The following UVSSA variants were observed in gnomAD, a reference collection of about 807,000 sequenced individuals.
The protein encoded by UVSSA is UV-stimulated scaffold protein A.
A neutral mutation model predicts 73.9 loss-of-function variants in UVSSA; 72 were observed. The observed-to-expected ratio is 0.97, with a 90% CI of 0.81 to 1.19. The LOEUF (loss-of-function observed/expected upper bound fraction) is 1.19, where lower values mean the gene tolerates loss of function less well. UVSSA is among the 50% of genes most tolerant of loss of function. The probability of loss-of-function intolerance (pLI) is 0.00; values close to 1 mark genes in which losing one functional copy is unlikely to be tolerated. For synonymous variants in UVSSA, 454 were observed against 391.3 expected (o/e 1.16, Z -1.89); for missense variants, 1,150 against 965.0 (o/e 1.19, Z -2.54).
chr4:1,380,662 C>A (rs954066587), intron 11 of UVSSA: 1 of 1,532,688 alleles, frequency 6.5e-7, no homozygotes, highest in African/African-American at 1.4e-5. Context: ...CTGCCCAAGA[C>A]CTTCCGGCTC....
At chr4:1,384,092 C>T in intron 13 of UVSSA, 152 bp downstream of exon 13, 1 of 983,056 alleles carries the variant, frequency 1.0e-6, no homozygotes, top group East Asian at 2.7e-5. Flanking sequence ...CCCAGCCTTT[C>T]CCCGGGGAGG....
At chr4:1,365,266 C>G (rs1483413958) in intron 7 of UVSSA, among the ~76,000 whole-genome samples, 4 of 152,354 alleles carry the variant, frequency 2.6e-5, no homozygotes, top group African/African-American at 9.6e-5. Flanking sequence ...CGCAAGACAG[C>G]TTGGCGTTCT....
In UVSSA at chr4:1,386,039, C is replaced by A; in HGVS notation, c.*78C>A. The A allele has an allele frequency of 6.9e-7, 1 of 1,438,878 alleles. No homozygotes were observed. The highest frequency in any genetic ancestry group is 1.1e-5 in the South Asian group (1 of 86,986). 89.1% of individuals were successfully genotyped at this position (1,438,878 alleles called of 1,614,324 possible). A position where few individuals can be genotyped will look rare whatever the true frequency, so the allele number is the denominator to read the frequency against. ...TCAGGACAGCAGAGTGGGCGTGGGT[C>A]TGGGCAGTAACCATGCTTTGTCTAT... On this transcript the variant is annotated 3_prime_UTR_variant, in exon 14 of 14. Transcript: ENST00000389851.
chr4:1,382,411 A>T (rs1719613525), intron 12 of UVSSA, among the ~76,000 whole-genome samples: 1 of 152,168 alleles, frequency 6.6e-6, no homozygotes, highest in African/African-American at 2.4e-5. Context: ...CGCACGGCGC[A>T]ATTTTCCTTT....
intron 8 of UVSSA, among the ~76,000 whole-genome samples, chr4:1,373,874 G>T (rs1225918323): frequency 1.3e-5 from 2 of 152,164 alleles, no homozygotes; most frequent in Non-Finnish European, 2.9e-5. Context: ...CTCTGCACCT[G>T]ACAATTTTCC....
intron 12 of UVSSA, among the ~76,000 whole-genome samples, chr4:1,382,491 G>A (rs145202926): frequency 6.6e-5 from 10 of 152,340 alleles, no homozygotes; most frequent in East Asian, 1.9e-4. Context: ...AAGGCCGCGC[G>A]GTCCCAGCAT....
In UVSSA at chr4:1,353,187, C is replaced by A. The variant is rs768536941; in HGVS notation, c.708C>A (p.Gly236=). ...GCTCCTCCTGCGCGGGCCAGGTGGG[C>A]CCCTGCCGGTCTGGCACCCCTGACC... The part of the protein sequence containing the change: ...ALRSSCAGQV[G]PCRSGTPDPR... The change falls in exon 5 of 14, where the codon GGC becomes GGA. Residue 236 remains glycine (G), a synonymous_variant. Coordinates refer to ENST00000389851, the MANE Select transcript of UVSSA (RefSeq NM_020894.4). The A allele has an allele frequency of 1.9e-6, 3 of 1,612,842 alleles. No individual in the cohort carries two copies. In the East Asian group the frequency reaches 6.7e-5, roughly 36 times the overall value.
At chr4:1,375,937 C>G (rs1197222232) in intron 9 of UVSSA, 97 bp from the exon 10 acceptor site, 9 of 1,519,170 alleles carry the variant, frequency 5.9e-6, no homozygotes, top group Non-Finnish European at 7.9e-6. Flanking sequence ...TGATCCGACC[C>G]GAGGCCCCAG....
chr4:1,368,832 T>G (rs1326659826), intron 8 of UVSSA, among the ~76,000 whole-genome samples: 1 of 152,262 alleles, frequency 6.6e-6, no homozygotes, highest in East Asian at 1.9e-4. Context: ...TCCAGGGAAG[T>G]GTGCACAGCT....
downstream of UVSSA, chr4:1,391,115 G>A (rs558713270): frequency 2.6e-5 from 4 of 152,226 alleles, no homozygotes. Flanking sequence ...GGGTCTGATT[G>A]GTTTGTAGTG....
chr4:1,371,517 A>C lies in UVSSA; in HGVS notation c.1289-3847A>C, dbSNP rs900396801. Among the ~76,000 whole-genome samples, 57 of 152,118 alleles carry C rather than the reference A, an allele frequency of 3.7e-4. 1 individual carries two copies. Among genetic ancestry groups the C allele is most frequent in the Admixed American group, 2.6e-4 (4 of 15,274 alleles). ...GTATTACTCCGTTTTCCTGCTGCTG[A>C]TAAGGACATACCTGAGACTGGGCAA... is the stretch of plus-strand genomic sequence containing the variant. On this transcript the variant is annotated intron_variant, in intron 8 of 13. Coordinates refer to ENST00000389851, the MANE Select transcript of UVSSA (RefSeq NM_020894.4).
intron 7 of UVSSA, among the ~76,000 whole-genome samples, chr4:1,363,873 G>T (rs1383812301): frequency 6.6e-6 from 1 of 152,290 alleles, no homozygotes; most frequent in Non-Finnish European, 1.5e-5. Flanking sequence ...AATGTCTCCT[G>T]TGCTTCCCAG....
chr4:1,347,077 T>A (rs938463746), upstream of UVSSA, among the ~76,000 whole-genome samples: 3 of 151,938 alleles, frequency 2.0e-5, no homozygotes, highest in Non-Finnish European at 4.4e-5. Flanking sequence ...AAAGGCCGCG[T>A]CGAGCGGTAG....
rs1333016822 is a variant in UVSSA at position 1,384,108 on chromosome 4, T to TGCCAGCCAGCAGGGGCAGC, written c.2036+169_2036+187dup. The stretch of plus-strand genomic sequence containing the variant: ...CCAGCCTTTCCCCGGGGAGGGGCAG[T>TGCCAGCCAGCAGGGGCAGC]GCCAGCCAGCAGGGGCAGCAGGCAG... On this transcript the variant is annotated intron_variant, in intron 13 of 13. Coordinates refer to ENST00000389851, the MANE Select transcript of UVSSA (RefSeq NM_020894.4). The TGCCAGCCAGCAGGGGCAGC allele has an allele frequency of 7.5e-5, 63 of 840,030 alleles. No homozygotes were observed. The African/African-American group carries it at 9.6e-4, about 13-fold the overall frequency. 52.0% of individuals were successfully genotyped at this position (840,030 alleles called of 1,614,324 possible).
chr4:1,360,340 A>G (rs1716445991), intron 7 of UVSSA, among the ~76,000 whole-genome samples: 1 of 152,178 alleles, frequency 6.6e-6, no homozygotes, highest in African/African-American at 2.4e-5. Flanking sequence ...TGTCTGCAAA[A>G]CACAGGGCGC....
chr4:1,346,261 A>G (rs1042438811), upstream of UVSSA, among the ~76,000 whole-genome samples: 4 of 152,246 alleles, frequency 2.6e-5, no homozygotes, highest in Admixed American at 2.6e-4. Flanking sequence ...GGGCACGCCC[A>G]TCCCCCCGAA....
rs147251189 is a variant in UVSSA, at chr4:1,385,903, G to T, written c.2072G>T (p.Arg691Leu). 1.9e-6 allele frequency: 3 copies of T among 1,614,046 alleles called. No individual in the cohort carries two copies. Reference sequence around the variant, plus strand: ...CGGAGGGTAGTGGCAGCCATGAACCGGATGGACCAGAAGAAGCACGAGAAG... The same window carrying T: ...CGGAGGGTAGTGGCAGCCATGAACCTGATGGACCAGAAGAAGCACGAGAAG... ...AVRRVVAAMN[R>L]MDQKKHEKFS... The change falls in exon 14 of 14, where the codon CGG becomes CTG. Residue 691 changes from arginine (R) to leucine (L), a missense_variant. Transcript: ENST00000389851.
At chr4:1,377,859 G>A (rs915259673) in intron 10 of UVSSA, among the ~76,000 whole-genome samples, 1 of 152,270 alleles carries the variant, frequency 6.6e-6, no homozygotes, top group South Asian at 2.1e-4. Context: ...TGGTCGGCTT[G>A]ATGGAGTTGC....
At chr4:1,352,268 A>G (rs1371759952) in intron 4 of UVSSA, among the ~76,000 whole-genome samples, 1 of 152,222 alleles carries the variant, frequency 6.6e-6, no homozygotes, top group East Asian at 1.9e-4. Context: ...AGGGGGTGCC[A>G]CGGCCCTCCT....
Sources: allele counts gnomAD v4.1 joint callset (sites outside exome capture counted in the v4.1 genomes callset), GRCh38; gene constraint gnomAD v4.1.1; transcripts MANE v1.5; gene names NCBI Gene and HGNC (gene_info 2026-07-23, HGNC 2026-07-21).